ARRB1: variants seen among roughly 807,000 people sequenced by gnomAD.
ARRB1 encodes the protein beta-arrestin-1.
In ARRB1, 21 loss-of-function variants were observed where a neutral mutation model predicts 56.8. That is an observed-to-expected ratio of 0.37 (90% CI 0.26 to 0.53). The LOEUF (loss-of-function observed/expected upper bound fraction) is 0.53, where lower values mean the gene tolerates loss of function less well. ARRB1 is among the 20% of genes least tolerant of loss of function. ARRB1 has a pLI of 0.88. For missense variants in ARRB1, 424 were observed against 553.7 expected, an observed-to-expected ratio of 0.77 and a Z score of 2.35; for synonymous variants, 210 against 218.6, an observed-to-expected ratio of 0.96 and a Z score of 0.35.
chr11:75,275,294 G>C (rs573083460), intron 10 of ARRB1, among the ~76,000 whole-genome samples: 17 of 151,570 alleles, frequency 1.1e-4, no homozygotes, highest in Admixed American at 9.2e-4. Context: ...TCACAGGGGC[G>C]CGCCACCATG....
chr11:75,266,157 G>T lies in ARRB1; in HGVS notation c.*6C>A. The T allele has an allele frequency of 6.2e-7, 1 of 1,612,238 alleles. No individual in the cohort carries two copies. The highest frequency in any genetic ancestry group is 8.5e-7 in the Non-Finnish European group (1 of 1,178,270). The stretch of plus-strand genomic sequence containing the variant: ...CCGGAGCCACGTGGAGGCAGGGCCG[G>T]CCCGTCTATCTGTTGTTGAGCTGTG... On this transcript the variant is annotated 3_prime_UTR_variant, in exon 16 of 16. Transcript: ENST00000420843.
intron 2 of ARRB1, among the ~76,000 whole-genome samples, chr11:75,288,143 G>C (rs1452870463): frequency 6.6e-6 from 1 of 152,092 alleles, no homozygotes; most frequent in Non-Finnish European, 1.5e-5. Context: ...GATTACAGGC[G>C]TGAGCCACCG....
intron 1 of ARRB1, among the ~76,000 whole-genome samples, chr11:75,321,526 C>G (rs1364201463): frequency 6.6e-6 from 1 of 152,134 alleles, no homozygotes; most frequent in East Asian, 1.9e-4. Flanking sequence ...CTGTGTTTTC[C>G]TTACAGCCCT....
At chr11:75,304,705 T>G (rs535954008) in intron 1 of ARRB1, among the ~76,000 whole-genome samples, 6 of 151,896 alleles carry the variant, frequency 4.0e-5, no homozygotes, top group African/African-American at 1.2e-4. Context: ...GCCTGCATAA[T>G]GCACATGTCA....
chr11:75,333,772 C>G (rs886765705), intron 1 of ARRB1, among the ~76,000 whole-genome samples: 4 of 152,172 alleles, frequency 2.6e-5, no homozygotes, highest in Admixed American at 2.6e-4. Context: ...AGCCGGACAT[C>G]ATGTTTGTTC....
intron 1 of ARRB1, among the ~76,000 whole-genome samples, chr11:75,295,700 G>A (rs917398044): frequency 6.6e-6 from 1 of 152,128 alleles, no homozygotes; most frequent in Admixed American, 6.5e-5. Context: ...GCATTCTTTG[G>A]CCTGCCATGC....
intron 11 of ARRB1, 32 bp from the exon 12 acceptor site, chr11:75,273,010 G>A (rs745574451): frequency 6.2e-7 from 1 of 1,605,536 alleles, no homozygotes; most frequent in Non-Finnish European, 8.5e-7. Context: ...CCAGTTCAGG[G>A]GCCTTGCCAG....
At position 75,321,270 on chromosome 11, in the gene ARRB1, C is replaced by CG. The variant is rs1947345772; in HGVS notation, c.20+30317_20+30318insC. 3.4e-5 allele frequency among the ~76,000 whole-genome samples: 5 copies of CG among 147,402 alleles called. 1 individual carries two copies. The highest frequency in any genetic ancestry group is 1.3e-4 in the African/African-American group (5 of 39,862). The stretch of plus-strand genomic sequence containing the variant: ...ATCCCACCCCATTCCTGCTCACCCC[C>CG]CCCCACCACCATCCCCCCACCTCTT... On this transcript the variant is annotated intron_variant, in intron 1 of 15. Transcript: ENST00000420843.
intron 15 of ARRB1, 99 bp downstream of exon 15, chr11:75,267,553 C>G (rs537186960): frequency 8.0e-7 from 1 of 1,246,728 alleles, no homozygotes; most frequent in African/African-American, 1.5e-5. Flanking sequence ...GTTAGACCAG[C>G]GGCTCCTCAG....
At chr11:75,268,641 AGGCTCAAAGCAT>A (rs1292542496) in intron 14 of ARRB1, among the ~76,000 whole-genome samples, 1 of 151,876 alleles carries the variant, frequency 6.6e-6, no homozygotes, top group African/African-American at 2.4e-5. Context: ...TGCAAGATAG[AGGCTCAAAGCAT>A]GGCCAATGAG....
chr11:75,337,883 C>T (rs898011825), intron 1 of ARRB1, among the ~76,000 whole-genome samples: 3 of 142,868 alleles, frequency 2.1e-5, no homozygotes, highest in Non-Finnish European at 3.0e-5. Flanking sequence ...CCGCCTGCCT[C>T]GGCCTCCCAA....
Position 75,323,408 on chromosome 11 carries a change from C to G in ARRB1, c.20+28180G>C, listed in dbSNP as rs373765106. On this transcript the variant is annotated intron_variant, in intron 1 of 15. Coordinates refer to ENST00000420843, the MANE Select transcript of ARRB1 (RefSeq NM_004041.5). ...CCGAGGCGGGTGGATCACTTGCGGT[C>G]AGGAGCTGGAGACCAACCTGTCCAA... Among the ~76,000 whole-genome samples the G allele has an allele frequency of 5.3e-5, 8 of 152,318 alleles. No homozygotes were observed. The South Asian group carries it at 1.2e-3, about 24-fold the overall frequency.
At chr11:75,287,830 A>G (rs1946517405) in intron 2 of ARRB1, among the ~76,000 whole-genome samples, 1 of 152,160 alleles carries the variant, frequency 6.6e-6, no homozygotes, top group African/African-American at 2.4e-5. Context: ...CCAGGCGGGG[A>G]TCCACTGATA....
chr11:75,333,525 T>C (rs1947552017), intron 1 of ARRB1, among the ~76,000 whole-genome samples: 1 of 152,056 alleles, frequency 6.6e-6, no homozygotes, highest in Admixed American at 6.6e-5. Flanking sequence ...AAAAGAGAAG[T>C]TGATGAGGGT....
intron 1 of ARRB1, among the ~76,000 whole-genome samples, chr11:75,303,991 T>A (rs1218498269): frequency 6.6e-6 from 1 of 152,064 alleles, no homozygotes; most frequent in African/African-American, 2.4e-5. Context: ...AGCTTGAGGC[T>A]GGGAAAAAAT....
At chr11:75,295,000 G>A (rs910537124) in intron 1 of ARRB1, among the ~76,000 whole-genome samples, 5 of 152,020 alleles carry the variant, frequency 3.3e-5, no homozygotes, top group African/African-American at 1.2e-4. Flanking sequence ...GACATGGGAG[G>A]ATCACTTGAG....
chr11:75,304,969 TATTAAAAGC>T (rs1946988637), intron 1 of ARRB1, among the ~76,000 whole-genome samples: 1 of 150,776 alleles, frequency 6.6e-6, no homozygotes, highest in South Asian at 2.1e-4. Flanking sequence ...AAATAAACTC[TATTAAAAGC>T]AAAGGGAATG....
chr11:75,323,286 T>C (rs1255391900), intron 1 of ARRB1, among the ~76,000 whole-genome samples: 2 of 152,212 alleles, frequency 1.3e-5, no homozygotes, highest in Non-Finnish European at 2.9e-5. Context: ...GGGTGATTTG[T>C]TATGTAGCAA....
In ARRB1 at chr11:75,269,877, A is replaced by G. The variant is rs34389654; in HGVS notation, c.1023-918T>C. 4.1e-3 allele frequency among the ~76,000 whole-genome samples: 628 copies of G among 152,274 alleles called. 1 individual carries two copies. The highest frequency in any genetic ancestry group is 0.014 in the African/African-American group (602 of 41,552). The stretch of plus-strand genomic sequence containing the variant: ...AGCAGAATTGAGACTAACAAAAGCA[A>G]CCCTGAAGGCTCCTCTCGGCTTGGG... On this transcript the variant is annotated intron_variant, in intron 13 of 15. Transcript: ENST00000420843.
Sources: allele counts gnomAD v4.1 joint callset (sites outside exome capture counted in the v4.1 genomes callset), GRCh38; gene constraint gnomAD v4.1.1; transcripts MANE v1.5; gene names NCBI Gene and HGNC (gene_info 2026-07-23, HGNC 2026-07-21).